Variants in CDKL5 observed in about 807,000 individuals in gnomAD.
The protein encoded by CDKL5 is cyclin dependent kinase like 5.
CDKL5 carries 8 observed loss-of-function variants against 61.7 expected under a neutral mutation model. That is an observed-to-expected ratio of 0.13 (90% CI 0.08 to 0.23). The LOEUF is 0.23. Among genes scored for constraint, CDKL5 ranks in the 10% least tolerant of loss-of-function variants. The probability of loss-of-function intolerance (pLI) is 1.00; values close to 1 mark genes in which losing one functional copy is unlikely to be tolerated. For synonymous variants in CDKL5, 275 were observed against 272.3 expected, an observed-to-expected ratio of 1.01 and a Z score of -0.10; for missense variants, 440 against 734.5, an observed-to-expected ratio of 0.60 and a Z score of 4.63.
intron 8 of CDKL5, 58 bp downstream of exon 8, chrX:18,584,411 T>C: frequency 1.3e-6 from 1 of 757,573 alleles, no homozygotes; most frequent in South Asian, 2.1e-5. Flanking sequence ...CTATTGTCAT[T>C]TGCTTTGAGT....
At chrX:18,600,390 A>G (rs1926141585) in intron 11 of CDKL5, among the ~76,000 whole-genome samples, 1 of 111,549 alleles carries the variant, frequency 9.0e-6, no homozygotes, top group African/African-American at 3.3e-5. Flanking sequence ...GCTCCTTTGC[A>G]TTTAGGGGGT....
At chrX:18,587,052 T>A (rs767310058) in intron 8 of CDKL5, among the ~76,000 whole-genome samples, 25 of 112,449 alleles carry the variant, frequency 2.2e-4, no homozygotes, top group African/African-American at 8.0e-4. Context: ...CACTACTGTA[T>A]CATTTTAGCA....
chrX:18,596,447 C>T (rs1338381517), intron 10 of CDKL5, among the ~76,000 whole-genome samples: 1 of 111,830 alleles, frequency 8.9e-6, no homozygotes, highest in Non-Finnish European at 1.9e-5. Context: ...AATAAAGAGG[C>T]ATTTCTGTCT....
rs1927196587 is a variant in CDKL5 at position 18,630,245 on chromosome X, G to C, written c.*1488G>C. 1.5e-5 allele frequency: 11 copies of C among 753,080 alleles called. No individual in the cohort carries two copies. Among genetic ancestry groups the C allele is most frequent in the Non-Finnish European group, 1.4e-5 (9 of 638,999 alleles). 62.1% of individuals were successfully genotyped at this position (753,080 alleles called of 1,213,427 possible). ...TCTTCCCCTCATCTGATCTCTTTCA[G>C]CTCCCAAGTTACTCCCAAGTATCAT... On this transcript the variant is annotated 3_prime_UTR_variant, in exon 18 of 18. Coordinates refer to ENST00000623535, the MANE Select transcript of CDKL5 (RefSeq NM_001323289.2).
intron 1 of CDKL5, among the ~76,000 whole-genome samples, chrX:18,458,213 G>A (rs909509787): frequency 2.7e-5 from 3 of 110,334 alleles, no homozygotes; most frequent in Admixed American, 9.7e-5. Context: ...GTGAGCCACC[G>A]CACCCAGCCT....
chrX:18,556,882 C>CAAAAAA (rs67362338), intron 3 of CDKL5, among the ~76,000 whole-genome samples: 3 of 44,944 alleles, frequency 6.7e-5, no homozygotes, highest in African/African-American at 1.0e-4. Flanking sequence ...GACTCCGTCT[C>CAAAAAA]AAAAAAAAAA....
At chrX:18,650,863 G>A (rs1395819446) in intron 21 of CDKL5, among the ~76,000 whole-genome samples, 1 of 112,289 alleles carries the variant, frequency 8.9e-6, no homozygotes, top group Non-Finnish European at 1.9e-5. Context: ...CTCCTCATCT[G>A]TGAAATGGGG....
chrX:18,509,260 ACT>A (rs1922738993), intron 2 of CDKL5, among the ~76,000 whole-genome samples: 2 of 101,553 alleles, frequency 2.0e-5, no homozygotes, highest in Non-Finnish European at 4.0e-5. Flanking sequence ...TGTCAAGCAA[ACT>A]CTGCATTCTT....
At chrX:18,501,707 C>T (rs1922393600) in intron 1 of CDKL5, among the ~76,000 whole-genome samples, 1 of 109,991 alleles carries the variant, frequency 9.1e-6, no homozygotes, top group African/African-American at 3.3e-5. Context: ...CACCACCATA[C>T]CCAGCTAATT....
chrX:18,584,209 A>G (rs769192115), intron 7 of CDKL5, 54 bp from the exon 8 acceptor site: 75 of 821,025 alleles, frequency 9.1e-5, no homozygotes, highest in Non-Finnish European at 1.3e-4. Context: ...TTTTGCCCAC[A>G]TGAATTATTA....
chrX:18,614,585 TTAA>T (rs1926661342), intron 15 of CDKL5, among the ~76,000 whole-genome samples: 2 of 112,643 alleles, frequency 1.8e-5, no homozygotes, highest in African/African-American at 6.4e-5. Flanking sequence ...TAAGCATTCA[TTAA>T]TGTTAGTGAC....
intron 15 of CDKL5, among the ~76,000 whole-genome samples, chrX:18,616,836 G>C (rs770434991): frequency 9.0e-6 from 1 of 110,626 alleles, no homozygotes; most frequent in Non-Finnish European, 1.9e-5. Flanking sequence ...GCCAGGGGAG[G>C]GGCAGGTGGC....
chrX:18,510,943 G>A, intron 3 of CDKL5, 89 bp downstream of exon 3: 2 of 659,479 alleles, frequency 3.0e-6, no homozygotes, highest in South Asian at 2.6e-5. Context: ...GGCATGTACA[G>A]GTTGAGCATT....
intron 3 of CDKL5, among the ~76,000 whole-genome samples, chrX:18,533,503 T>C (rs1345192688): frequency 9.0e-6 from 1 of 111,609 alleles, no homozygotes; most frequent in Non-Finnish European, 1.9e-5. Context: ...ATGAACACAA[T>C]GTATAGTAAT....
At chrX:18,473,962 G>A (rs1921208027) in intron 1 of CDKL5, among the ~76,000 whole-genome samples, 1 of 107,086 alleles carries the variant, frequency 9.3e-6, no homozygotes, top group Admixed American at 1.0e-4. Context: ...TCTGCCTCCT[G>A]GGTTCAAGTG....
At chrX:18,488,187 T>C (rs1921860488) in intron 1 of CDKL5, among the ~76,000 whole-genome samples, 1 of 110,964 alleles carries the variant, frequency 9.0e-6, no homozygotes, top group Non-Finnish European at 1.9e-5. Flanking sequence ...AACTTTGATA[T>C]TTAATAATGC....
intron 4 of CDKL5, among the ~76,000 whole-genome samples, chrX:18,564,943 C>G (rs1924919485): frequency 9.0e-6 from 1 of 111,515 alleles, no homozygotes; most frequent in African/African-American, 3.3e-5. Flanking sequence ...TTACGGTGAT[C>G]TCCAGCTCCT....
chrX:18,584,047 G>A (rs1287008060), intron 7 of CDKL5, among the ~76,000 whole-genome samples: 1 of 111,793 alleles, frequency 8.9e-6, no homozygotes, highest in Non-Finnish European at 1.9e-5. Flanking sequence ...GAAGAGACTG[G>A]TTTTGTAGTG....
In CDKL5 at chrX:18,629,141, C is replaced by A; in HGVS notation, c.*384C>A. The A allele has an allele frequency of 5.2e-6, 4 of 773,772 alleles. No individual in the cohort carries two copies. Among genetic ancestry groups the A allele is most frequent in the Non-Finnish European group, 6.1e-6 (4 of 651,474 alleles). 63.8% of individuals were successfully genotyped at this position (773,772 alleles called of 1,213,427 possible). A position where few individuals can be genotyped will look rare whatever the true frequency, so the allele number is the denominator to read the frequency against. Reference sequence around the variant, plus strand: ...GCAAGGGATAGGAAAGTCGTGTTGACCGATGCCCTTACTACATATTTTTTT... The same window carrying A: ...GCAAGGGATAGGAAAGTCGTGTTGAACGATGCCCTTACTACATATTTTTTT... On this transcript the variant is annotated 3_prime_UTR_variant, in exon 18 of 18. Transcript: ENST00000623535.
Sources: allele counts gnomAD v4.1 joint callset (sites outside exome capture counted in the v4.1 genomes callset), GRCh38; gene constraint gnomAD v4.1.1; transcripts MANE v1.5; gene names NCBI Gene and HGNC (gene_info 2026-07-23, HGNC 2026-07-21).